The following MYCBP2 variants were observed in gnomAD, a reference collection of about 807,000 sequenced individuals.
MYCBP2 encodes the protein MYC binding protein 2, also known as E3 ubiquitin-protein ligase MYCBP2.
MYCBP2 carries 120 observed loss-of-function variants against 525.3 expected under a neutral mutation model. The observed-to-expected ratio is 0.23, with a 90% CI of 0.20 to 0.27. The LOEUF (loss-of-function observed/expected upper bound fraction) is 0.27. Among genes scored for constraint, MYCBP2 ranks in the 10% least tolerant of loss-of-function variants. The pLI, the probability that MYCBP2 is intolerant of heterozygous loss-of-function variation, is 1.00. For synonymous variants in MYCBP2, 1,894 were observed against 1,955.8 expected, an observed-to-expected ratio of 0.97 and a Z score of 0.83; for missense variants, 4,149 against 5,657.1, an observed-to-expected ratio of 0.73 and a Z score of 8.55.
In MYCBP2 at chr13:77,269,824, G is replaced by T. The variant is rs113526687; in HGVS notation, c.1260+168C>A. Among the ~76,000 whole-genome samples the T allele has an allele frequency of 4.7e-3, 708 of 152,238 alleles. 5 individuals carry two copies. Among genetic ancestry groups the T allele is most frequent in the African/African-American group, 0.016 (660 of 41,546 alleles). On this transcript the variant is annotated intron_variant, in intron 7 of 82. Coordinates refer to ENST00000544440, the MANE Select transcript of MYCBP2 (RefSeq NM_015057.5). ...AGAACTAAAATTGAACCTCTTATGA[G>T]TTCTGAGACAGTGTTCTTTACGCTA...
Position 77,168,630 on chromosome 13 carries a change from A to G in MYCBP2, c.5912T>C (p.Phe1971Ser), listed in dbSNP as rs1384810386. The G allele has an allele frequency of 6.2e-7, 1 of 1,614,198 alleles. No individual in the cohort carries two copies. The highest frequency in any genetic ancestry group is 1.7e-5 in the Admixed American group (1 of 60,028). ...CGGAAGCAATTGTTGGACAAGGCCA[A>G]AGACTTCTACAGCCACCTAGTACAC... Reference protein sequence around the residue: ...AAIPKVAVEVFGLVQQLLPSV... With the variant: ...AAIPKVAVEVSGLVQQLLPSV... Residue 1971 changes from phenylalanine (F) to serine (S), a missense_variant, in exon 40 of 83, where the codon TTT becomes TCT. Phe to Ser is a radical substitution (Grantham distance 155). Transcript: ENST00000544440.
At chr13:77,267,814 G>C in intron 8 of MYCBP2, 27 bp downstream of exon 8, 1 of 1,537,116 alleles carries the variant, frequency 6.5e-7, no homozygotes. Context: ...ATTGCTTGTG[G>C]AGAAAAAATG....
rs902424277 is a variant in MYCBP2, at chr13:77,326,864, G to C, written c.-89C>G. The C allele has an allele frequency of 4.8e-6, 6 of 1,257,350 alleles. No individual in the cohort carries two copies. In the African/African-American group the frequency reaches 9.5e-5, roughly 20 times the overall value. The allele number at this position is 1,257,350 out of a possible 1,614,324, so 77.9% of individuals were successfully genotyped here. On this transcript the variant is annotated 5_prime_UTR_variant, in exon 1 of 83. Coordinates refer to ENST00000544440, the MANE Select transcript of MYCBP2 (RefSeq NM_015057.5). The surrounding 1 kb of genome is among the most constrained non-coding windows in gnomAD (Gnocchi z 4.2). ...GCACACACAGCCCTTTTCCAACGAC[G>C]ACGGCTCCGGCGGCGGCCTCTGGCT...
chr13:77,217,396 A>T (rs1328934794), intron 21 of MYCBP2, among the ~76,000 whole-genome samples: 1 of 152,180 alleles, frequency 6.6e-6, no homozygotes, highest in Non-Finnish European at 1.5e-5. Flanking sequence ...AGGCGGATAG[A>T]CTCAGAGGGT....
intron 78 of MYCBP2, among the ~76,000 whole-genome samples, chr13:77,057,394 CACAG>C (rs2038319008): frequency 6.6e-6 from 1 of 152,020 alleles, no homozygotes; most frequent in Non-Finnish European, 1.5e-5. Context: ...TTTTGTATCT[CACAG>C]AAAGAAGAAG....
chr13:77,084,951 A>G lies in MYCBP2; in HGVS notation c.10876-1759T>C, dbSNP rs375772342. Among the ~76,000 whole-genome samples, 10 of 151,826 alleles carry G rather than the reference A, an allele frequency of 6.6e-5. No homozygotes were observed. In the East Asian group the frequency reaches 1.7e-3, roughly 27 times the overall value. ...CGTACTCTGCTTGGGCTCTTTTCCC[A>G]ATTGTGGGGCTTACCTCATGCCCTT... On this transcript the variant is annotated intron_variant, in intron 62 of 82. Transcript: ENST00000544440.
At chr13:77,157,641 C>G (rs1054212509) in intron 45 of MYCBP2, among the ~76,000 whole-genome samples, 2 of 151,968 alleles carry the variant, frequency 1.3e-5, no homozygotes, top group African/African-American at 4.8e-5. Flanking sequence ...TCCCAGCTAC[C>G]TGGGAGGCTG....
chr13:77,081,424 T>C lies in MYCBP2; in HGVS notation c.11418+3A>G, dbSNP rs2043295890. ...GAGCCGTAAATCACGTTTGCTTTCT[T>C]ACCCCAAGATCTCGGGAATTGTCCA... is the stretch of plus-strand genomic sequence containing the variant. On this transcript the variant is annotated splice_donor_region_variant and intron_variant, in intron 65 of 82. Coordinates refer to ENST00000544440, the MANE Select transcript of MYCBP2 (RefSeq NM_015057.5). The surrounding 1 kb of genome is among the most constrained non-coding windows in gnomAD (Gnocchi z 4.6). The C allele has an allele frequency of 6.2e-7, 1 of 1,610,234 alleles. No individual in the cohort carries two copies. The highest frequency in any genetic ancestry group is 8.5e-7 in the Non-Finnish European group (1 of 1,178,584).
chr13:77,194,000 T>C (rs1057142933), intron 27 of MYCBP2, among the ~76,000 whole-genome samples, 153 bp downstream of exon 27: 1 of 152,192 alleles, frequency 6.6e-6, no homozygotes, highest in African/African-American at 2.4e-5. Flanking sequence ...TTGAAAGCAA[T>C]ACTTATATTG....
At chr13:77,127,947 A>G (rs1324159243) in intron 52 of MYCBP2, among the ~76,000 whole-genome samples, 1 of 151,924 alleles carries the variant, frequency 6.6e-6, no homozygotes, top group East Asian at 1.9e-4. Context: ...AGAAAAATTA[A>G]TTTACATTTA....
chr13:77,132,143 CCAT>C (rs2052991307), intron 52 of MYCBP2, among the ~76,000 whole-genome samples: 1 of 151,978 alleles, frequency 6.6e-6, no homozygotes, highest in African/African-American at 2.4e-5. Flanking sequence ...CTGTTCTTAA[CCAT>C]ATAAGAACAG....
In MYCBP2 at chr13:77,058,454, C is replaced by T. The variant is rs373150640; in HGVS notation, c.13141-48G>A. 334 of 1,444,256 alleles carry T rather than the reference C, an allele frequency of 2.3e-4. No homozygotes were observed. Among genetic ancestry groups the T allele is most frequent in the Admixed American group, 3.2e-4 (13 of 41,066 alleles). 89.5% of individuals were successfully genotyped at this position (1,444,256 alleles called of 1,614,324 possible). ...TTACACAAGTATGTAAAAAAGCACA[C>T]ATTCTGGTAATTTTCCTTATTATAT... is the stretch of plus-strand genomic sequence containing the variant. On this transcript the variant is annotated intron_variant, in intron 77 of 82. Coordinates refer to ENST00000544440, the MANE Select transcript of MYCBP2 (RefSeq NM_015057.5). The surrounding 1 kb of genome is among the most constrained non-coding windows in gnomAD (Gnocchi z 4.1).
intron 38 of MYCBP2, 72 bp from the exon 39 acceptor site, chr13:77,169,786 C>T (rs1251321272): frequency 7.9e-7 from 1 of 1,268,062 alleles, no homozygotes; most frequent in Non-Finnish European, 1.1e-6. Flanking sequence ...ACATGCTGTA[C>T]TAAATCTATA....
intron 29 of MYCBP2, among the ~76,000 whole-genome samples, chr13:77,189,543 T>C (rs78000342): frequency 0.014 from 2,065 of 152,268 alleles, 49 homozygotes; most frequent in African/African-American, 0.046. Context: ...GAAAGAAAGA[T>C]AGGGAGATAG....
chr13:77,270,518 C>A lies in MYCBP2; in HGVS notation c.966G>T (p.Ser322=). Residue 322 remains serine, a synonymous_variant, in exon 6 of 83, where the codon TCG becomes TCT. Coordinates refer to ENST00000544440, the MANE Select transcript of MYCBP2 (RefSeq NM_015057.5). Reference sequence around the variant, plus strand: ...AAACTGCTTGTACACTTCTCTGTAGCGAATTTAGAATTGTTGGCACCTAAT... The same window carrying A: ...AAACTGCTTGTACACTTCTCTGTAGAGAATTTAGAATTGTTGGCACCTAAT... ...QTIQVPTILN[S]LQRSVQAVLV... is the part of the protein sequence containing the mutation. 6.2e-7 allele frequency: 1 copy of A among 1,604,236 alleles called. No individual in the cohort carries two copies. Among genetic ancestry groups the A allele is most frequent in the Non-Finnish European group, 8.5e-7 (1 of 1,174,104 alleles).
chr13:77,210,440 C>T (rs1208625497), intron 23 of MYCBP2, among the ~76,000 whole-genome samples: 2 of 152,152 alleles, frequency 1.3e-5, no homozygotes, highest in African/African-American at 4.8e-5. Flanking sequence ...GATCTGCCCG[C>T]CTTGGCCTCC....
chr13:77,249,963 C>G (rs2154327494), intron 15 of MYCBP2, among the ~76,000 whole-genome samples: 1 of 152,270 alleles, frequency 6.6e-6, no homozygotes, highest in East Asian at 1.9e-4. Context: ...GTGGCTCACG[C>G]CTGTAATCCC....
intron 62 of MYCBP2, 29 bp downstream of exon 62, chr13:77,087,455 T>G (rs201767550): frequency 5.3e-4 from 822 of 1,564,246 alleles, no homozygotes; most frequent in Non-Finnish European, 6.8e-4. Context: ...TATAAAAATA[T>G]GCACAATCAA....
At chr13:77,288,072 CAAAGT>C (rs1204615988) in intron 3 of MYCBP2, 84 bp downstream of exon 3, 13 of 1,300,198 alleles carry the variant, frequency 1.0e-5, no homozygotes, top group Admixed American at 2.2e-5. Flanking sequence ...TTACATAAAG[CAAAGT>C]ATTTTAGCAA....
Sources: allele counts gnomAD v4.1 joint callset (sites outside exome capture counted in the v4.1 genomes callset), GRCh38; gene constraint gnomAD v4.1.1; non-coding constraint Gnocchi (gnomAD v3.1); transcripts MANE v1.5; gene names NCBI Gene and HGNC (gene_info 2026-07-23, HGNC 2026-07-21).